The following CCDC171 variants were observed in gnomAD, a reference collection of about 807,000 sequenced individuals.
The protein encoded by CCDC171 is coiled-coil domain-containing protein 171.
A neutral mutation model predicts 168.2 loss-of-function variants in CCDC171; 177 were observed. The ratio of observed to expected loss-of-function variants is 1.05; its 90% CI spans 0.93 to 1.19. CCDC171 has a LOEUF of 1.19. CCDC171 is among the 50% of genes most tolerant of loss of function. The pLI is 0.00. For missense variants in CCDC171, 1,991 were observed against 1,539.0 expected, an observed-to-expected ratio of 1.29 and a Z score of -4.91; for synonymous variants, 687 against 540.8, an observed-to-expected ratio of 1.27 and a Z score of -3.75.
chr9:15,874,526 C>T lies in CCDC171; in HGVS notation c.3469-6C>T. 4.4e-6 allele frequency: 7 copies of T among 1,584,392 alleles called. No individual in the cohort carries two copies. The highest frequency in any genetic ancestry group is 6.0e-6 in the Non-Finnish European group (7 of 1,166,556). ...ATTACCATTGATGCTGTTTTTTTCC[C>T]TTTAGGTCAGAGATCAGATCTCGCT... On this transcript the variant is annotated splice_polypyrimidine_tract_variant and splice_region_variant and intron_variant, in intron 23 of 25. Coordinates refer to ENST00000380701, the MANE Select transcript of CCDC171 (RefSeq NM_173550.4).
chr9:15,614,337 G>A (rs1177446269), intron 6 of CCDC171, among the ~76,000 whole-genome samples: 1 of 152,148 alleles, frequency 6.6e-6, no homozygotes, highest in Non-Finnish European at 1.5e-5. Context: ...GATTCCATAA[G>A]CTACTACTAT....
At chr9:15,795,754 T>C (rs774904346) in intron 21 of CCDC171, among the ~76,000 whole-genome samples, 4 of 152,224 alleles carry the variant, frequency 2.6e-5, no homozygotes, top group Admixed American at 6.5e-5. Flanking sequence ...AGCAGCTACA[T>C]GAGAATTTGA....
At chr9:15,817,882 G>A (rs1475534195) in intron 21 of CCDC171, among the ~76,000 whole-genome samples, 1 of 118,338 alleles carries the variant, frequency 8.5e-6, no homozygotes, top group African/African-American at 3.2e-5. Flanking sequence ...ATCTGAGAAC[G>A]GGCAGACTGC....
Position 15,580,723 on chromosome 9 carries a change from A to G in CCDC171, c.352+1700A>G, listed in dbSNP as rs143566340. ...AAGAATGGCCATAATTTAAAAATAA[A>G]AAAATAACAGATGTTGCATGGATGT... is the stretch of plus-strand genomic sequence containing the variant. On this transcript the variant is annotated intron_variant, in intron 4 of 25. Coordinates refer to ENST00000380701, the MANE Select transcript of CCDC171 (RefSeq NM_173550.4). 8.6e-4 allele frequency among the ~76,000 whole-genome samples: 131 copies of G among 152,354 alleles called. 2 individuals are homozygous for G. The East Asian group carries it at 0.019, about 22-fold the overall frequency.
Position 15,826,028 on chromosome 9 carries a change from C to T in CCDC171, c.3268-20674C>T, listed in dbSNP as rs74781971. Among the ~76,000 whole-genome samples, 322 of 152,026 alleles carry T rather than the reference C, an allele frequency of 2.1e-3. 2 individuals carry two copies. The highest frequency in any genetic ancestry group is 7.3e-3 in the African/African-American group (303 of 41,534). ...CAGAAGTTGAATATCCTGGTTCTATCCTCTATGGCTCTTATATTTTAAAAA... is the reference window on the plus strand; with the variant it reads ...CAGAAGTTGAATATCCTGGTTCTATTCTCTATGGCTCTTATATTTTAAAAA... On this transcript the variant is annotated intron_variant, in intron 21 of 25. Transcript: ENST00000380701.
chr9:16,056,854 G>A (rs1833850393), intron 1 of CCDC171, among the ~76,000 whole-genome samples: 1 of 152,158 alleles, frequency 6.6e-6, no homozygotes, highest in Non-Finnish European at 1.5e-5. Flanking sequence ...CATTAAAGCT[G>A]TTAAAGCAAT....
chr9:15,887,628 G>C (rs1434528013), intron 24 of CCDC171, among the ~76,000 whole-genome samples: 1 of 151,954 alleles, frequency 6.6e-6, no homozygotes, highest in Non-Finnish European at 1.5e-5. Flanking sequence ...TAGACACTAA[G>C]CCAAAACCCA....
chr9:15,625,168 A>AT (rs1391484101), intron 7 of CCDC171, among the ~76,000 whole-genome samples: 8 of 151,594 alleles, frequency 5.3e-5, no homozygotes, highest in South Asian at 4.2e-4. Context: ...GGGTTGTTTG[A>AT]TTTTTTCTTG....
chr9:15,949,721 T>A (rs1481099298), intron 25 of CCDC171, among the ~76,000 whole-genome samples: 1 of 152,104 alleles, frequency 6.6e-6, no homozygotes, highest in East Asian at 1.9e-4. Flanking sequence ...ACGATGGGGT[T>A]TTCTAGATAT....
intron 4 of CCDC171, among the ~76,000 whole-genome samples, chr9:15,585,204 A>G (rs1164600270): frequency 1.3e-5 from 2 of 152,220 alleles, no homozygotes; most frequent in South Asian, 2.1e-4. Flanking sequence ...TAAAATAAAC[A>G]TGGATTTATC....
intron 23 of CCDC171, 118 bp from the exon 24 acceptor site, chr9:15,874,414 A>G (rs572512043): frequency 1.1e-4 from 80 of 757,102 alleles, no homozygotes; most frequent in Non-Finnish European, 1.5e-4. Flanking sequence ...AAATTTATTC[A>G]TGGATTTCAG....
chr9:15,872,153 A>G (rs558320404), intron 23 of CCDC171, among the ~76,000 whole-genome samples: 2 of 152,174 alleles, frequency 1.3e-5, no homozygotes, highest in South Asian at 2.1e-4. Context: ...AAATGGAAGT[A>G]TTAAAGCATG....
At chr9:15,882,725 T>C (rs960077710) in intron 24 of CCDC171, among the ~76,000 whole-genome samples, 5 of 152,028 alleles carry the variant, frequency 3.3e-5, no homozygotes, top group African/African-American at 4.8e-5. Context: ...CTGGGAAAAC[T>C]GCTTGATAAT....
At chr9:15,603,863 C>T (rs1019976748) in intron 6 of CCDC171, among the ~76,000 whole-genome samples, 1 of 152,108 alleles carries the variant, frequency 6.6e-6, no homozygotes, top group Non-Finnish European at 1.5e-5. Context: ...ATTTACATTC[C>T]CACCAACACT....
At chr9:15,834,544 ATTTT>A (rs944294978) in intron 21 of CCDC171, among the ~76,000 whole-genome samples, 2 of 152,198 alleles carry the variant, frequency 1.3e-5, no homozygotes, top group African/African-American at 4.8e-5. Context: ...ATTGCATTTT[ATTTT>A]AGTATATTCA....
intron 25 of CCDC171, among the ~76,000 whole-genome samples, chr9:15,949,632 T>G (rs1288426938): frequency 6.6e-6 from 1 of 152,220 alleles, no homozygotes; most frequent in Non-Finnish European, 1.5e-5. Context: ...ATAAGAATGC[T>G]TGTGATTTTT....
intron 21 of CCDC171, among the ~76,000 whole-genome samples, chr9:15,789,372 T>C (rs138625691): frequency 5.9e-5 from 9 of 152,278 alleles, no homozygotes; most frequent in Admixed American, 3.3e-4. Context: ...ATCCTGGAAA[T>C]AGGAGATTAA....
intron 1 of CCDC171, among the ~76,000 whole-genome samples, chr9:16,056,318 C>G (rs763586844): frequency 6.6e-5 from 10 of 152,102 alleles, no homozygotes; most frequent in Non-Finnish European, 1.3e-4. Context: ...ACTGTCTAAT[C>G]CATAGCCACT....
intron 24 of CCDC171, among the ~76,000 whole-genome samples, chr9:15,889,558 T>C (rs528044312): frequency 1.3e-5 from 2 of 152,328 alleles, no homozygotes; most frequent in East Asian, 3.9e-4. Context: ...AGTTGTGTTA[T>C]GTGCAAATCA....
Sources: allele counts gnomAD v4.1 joint callset (sites outside exome capture counted in the v4.1 genomes callset), GRCh38; gene constraint gnomAD v4.1.1; transcripts MANE v1.5; gene names NCBI Gene and HGNC (gene_info 2026-07-23, HGNC 2026-07-21).